The following TFG variants were observed in gnomAD, a reference collection of about 807,000 sequenced individuals.
TFG encodes protein TFG.
In TFG, 22 loss-of-function variants were observed where a neutral mutation model predicts 51.4. The observed-to-expected ratio is 0.43, with a 90% CI of 0.31 to 0.61. The LOEUF is 0.61. Ranked by LOEUF, TFG falls within the 20% of genes least tolerant of loss-of-function variation. The pLI is 0.12. For missense variants in TFG, 419 were observed against 487.7 expected (o/e 0.86, Z 1.33); for synonymous variants, 187 against 165.6 (o/e 1.13, Z -0.99).
At chr3:100,728,572 T>TAA in intron 3 of TFG, 140 bp from the exon 4 acceptor site, 2 of 563,476 alleles carry the variant, frequency 3.5e-6, no homozygotes, top group Non-Finnish European at 5.6e-6. Flanking sequence ...TCTTTTTTTT[T>TAA]AAAAAAAAAG....
Position 100,732,577 on chromosome 3 carries a change from C to A in TFG, c.485C>A (p.Ala162Glu), listed in dbSNP as rs2095094704. 1 of 1,612,792 alleles carries A rather than the reference C, an allele frequency of 6.2e-7. No individual in the cohort carries two copies. The highest frequency in any genetic ancestry group is 8.5e-7 in the Non-Finnish European group (1 of 1,179,224). ...SSGKQSTQVM[A>E]ASMSAFDPLK... Reference sequence around the variant, plus strand: ...GGAAAACAGTCTACTCAGGTTATGGCAGCAAGTATGTCTGCTTTTGATCCT... The same window carrying A: ...GGAAAACAGTCTACTCAGGTTATGGAAGCAAGTATGTCTGCTTTTGATCCT... The change falls in exon 5 of 8, where the codon GCA (alanine) becomes GAA (glutamate). Residue 162 changes from alanine to glutamate, a missense_variant. This residue lies in a region of TFG where 391 missense variants were observed against 434.4 expected (regional missense o/e 0.90). Coordinates refer to ENST00000240851, the MANE Select transcript of TFG (RefSeq NM_006070.6).
intron 3 of TFG, among the ~76,000 whole-genome samples, chr3:100,723,214 A>G (rs1191802276): frequency 6.6e-6 from 1 of 152,214 alleles, no homozygotes; most frequent in Non-Finnish European, 1.5e-5. Context: ...TTTGGGAGGA[A>G]CATTGTAATT....
chr3:100,740,533 C>T (rs898551651), intron 6 of TFG, among the ~76,000 whole-genome samples: 1 of 152,114 alleles, frequency 6.6e-6, no homozygotes, highest in Non-Finnish European at 1.5e-5. Flanking sequence ...CAGGTCAGCC[C>T]TATTCAGTAT....
rs771619425 is a variant in TFG, at chr3:100,736,586, T to C, written c.591T>C (p.Ser197=). 6.2e-7 allele frequency: 1 copy of C among 1,613,900 alleles called. No individual in the cohort carries two copies. The highest frequency in any genetic ancestry group is 8.5e-7 in the Non-Finnish European group (1 of 1,179,934). ...TTTTTGACTATCCAGGGCCACCCAG[T>C]GCTCCTGCAGAAGATCGTTCAGGAA... is the stretch of plus-strand genomic sequence containing the variant. ...LTDDQVSGPP[S]APAEDRSGTP... is the part of the protein sequence containing the mutation. Residue 197 remains serine, a synonymous_variant, in exon 6 of 8, where the codon AGT becomes AGC. Transcript: ENST00000240851.
chr3:100,727,925 C>T (rs569693444), intron 3 of TFG, among the ~76,000 whole-genome samples: 3 of 152,300 alleles, frequency 2.0e-5, no homozygotes, highest in East Asian at 3.9e-4. Flanking sequence ...CTTCCCCTCC[C>T]GGGATCAAGC....
intron 3 of TFG, among the ~76,000 whole-genome samples, chr3:100,726,565 C>T (rs917251237): frequency 6.6e-6 from 1 of 152,088 alleles, no homozygotes; most frequent in Non-Finnish European, 1.5e-5. Context: ...CTCTTAAACC[C>T]ACTGAGTAGA....
rs148867194 is a variant in TFG at position 100,725,485 on chromosome 3, A to C, written c.269-3227A>C. Among the ~76,000 whole-genome samples, 519 of 151,900 alleles carry C rather than the reference A, an allele frequency of 3.4e-3. 5 individuals carry two copies. The highest frequency in any genetic ancestry group is 5.0e-3 in the Non-Finnish European group (340 of 67,918). On this transcript the variant is annotated intron_variant, in intron 3 of 7. Coordinates refer to ENST00000240851, the MANE Select transcript of TFG (RefSeq NM_006070.6). ...GTGGTTAGGAGCAAAGATGAAAAAAATACTAAGATTTGGCCAGGTGCGGTG... is the reference window on the plus strand; with the variant it reads ...GTGGTTAGGAGCAAAGATGAAAAAACTACTAAGATTTGGCCAGGTGCGGTG...
intron 5 of TFG, among the ~76,000 whole-genome samples, chr3:100,736,225 A>G (rs1404347533): frequency 1.3e-5 from 2 of 152,248 alleles, no homozygotes; most frequent in African/African-American, 4.8e-5. Flanking sequence ...TGGTCAGTGA[A>G]GACCCCTTGA....
chr3:100,723,831 G>GTT (rs769902536), intron 3 of TFG, among the ~76,000 whole-genome samples: 5 of 144,332 alleles, frequency 3.5e-5, no homozygotes, highest in Non-Finnish European at 3.1e-5. Context: ...GAGAAATACA[G>GTT]TTTTTTTTTT....
chr3:100,734,382 G>A (rs2095100610), intron 5 of TFG, among the ~76,000 whole-genome samples: 1 of 152,130 alleles, frequency 6.6e-6, no homozygotes, highest in South Asian at 2.1e-4. Flanking sequence ...GATTTGGACA[G>A]AGTGTATATA....
intron 2 of TFG, among the ~76,000 whole-genome samples, chr3:100,717,675 ATT>A (rs1451134758): frequency 5.5e-5 from 8 of 145,414 alleles, no homozygotes; most frequent in Non-Finnish European, 1.5e-5. Flanking sequence ...ATGGGATTGC[ATT>A]TTTTATTTTT....
chr3:100,723,409 A>G (rs1198901931), intron 3 of TFG, among the ~76,000 whole-genome samples: 1 of 152,122 alleles, frequency 6.6e-6, no homozygotes, highest in Non-Finnish European at 1.5e-5. Context: ...GATAGAACAG[A>G]ATACTAATCA....
At chr3:100,725,073 T>A (rs1340729086) in intron 3 of TFG, among the ~76,000 whole-genome samples, 4 of 151,890 alleles carry the variant, frequency 2.6e-5, no homozygotes, top group African/African-American at 9.7e-5. Context: ...CCGGCTAATT[T>A]GTTTTTGTAT....
intron 1 of TFG, among the ~76,000 whole-genome samples, chr3:100,712,425 G>A (rs1402372964): frequency 6.6e-6 from 1 of 152,196 alleles, no homozygotes; most frequent in African/African-American, 2.4e-5. Context: ...AGTAAGGCGG[G>A]AAGTTGAAAC....
intron 7 of TFG, among the ~76,000 whole-genome samples, chr3:100,747,117 C>G (rs936039190): frequency 1.3e-5 from 2 of 152,118 alleles, no homozygotes; most frequent in African/African-American, 4.8e-5. Context: ...AGTCTATTAA[C>G]TTGAATTTGA....
At chr3:100,739,072 T>C (rs987344491) in intron 6 of TFG, among the ~76,000 whole-genome samples, 1 of 152,174 alleles carries the variant, frequency 6.6e-6, no homozygotes, top group Admixed American at 6.5e-5. Context: ...TAGATAAATA[T>C]AGTCGTTATT....
At chr3:100,715,116 G>A (rs1005836889) in intron 2 of TFG, among the ~76,000 whole-genome samples, 55 of 152,230 alleles carry the variant, frequency 3.6e-4, no homozygotes, top group African/African-American at 1.3e-3. Context: ...GCTTAACCTA[G>A]TTTTCTTATC....
intron 2 of TFG, among the ~76,000 whole-genome samples, chr3:100,714,455 G>C (rs1377852307): frequency 6.6e-6 from 1 of 151,592 alleles, no homozygotes; most frequent in Non-Finnish European, 1.5e-5. Context: ...AGCCAAGATC[G>C]TGCCACTGCA....
chr3:100,726,482 A>G (rs1437328910), intron 3 of TFG, among the ~76,000 whole-genome samples: 1 of 152,192 alleles, frequency 6.6e-6, no homozygotes, highest in Non-Finnish European at 1.5e-5. Context: ...TCAAGCTGAC[A>G]CCTAATATTA....
Sources: allele counts gnomAD v4.1 joint callset (sites outside exome capture counted in the v4.1 genomes callset), GRCh38; gene constraint gnomAD v4.1.1; regional missense constraint gnomAD v4.1.1; transcripts MANE v1.5; gene names NCBI Gene and HGNC (gene_info 2026-07-23, HGNC 2026-07-21).